UBE2D2: variants seen among roughly 807,000 people sequenced by gnomAD.
UBE2D2 encodes the protein ubiquitin conjugating enzyme E2 D2, also known as ubiquitin-conjugating enzyme E2 D2.
Under a neutral mutation model 24.2 loss-of-function variants are expected in UBE2D2, and 2 were observed. The observed-to-expected ratio is 0.08, with a 90% CI of 0.03 to 0.26. The LOEUF is 0.26. Ranked by LOEUF, UBE2D2 falls within the 10% of genes least tolerant of loss-of-function variation. UBE2D2 has a pLI of 1.00. For synonymous variants in UBE2D2, 58 were observed against 56.5 expected (o/e 1.03, Z -0.12); for missense variants, 44 against 177.6 (o/e 0.25, Z 4.28).
chr5:139,561,173 AGCGTCAC>A (rs1462067193), upstream of UBE2D2: 1 of 152,632 alleles, frequency 6.6e-6, no homozygotes, highest in East Asian at 1.9e-4. Flanking sequence ...AGGGCTTCGC[AGCGTCAC>A]GCCCTCCGGG....
chr5:139,626,725 T>C (rs776340432), intron 6 of UBE2D2, 31 bp from the exon 7 acceptor site: 11 of 1,606,500 alleles, frequency 6.8e-6, no homozygotes, highest in South Asian at 4.4e-5. Flanking sequence ...TCCACACCTA[T>C]GTTAAGCCAA....
Position 139,600,361 on chromosome 5 carries a change from T to C in UBE2D2, c.25-11T>C. The C allele has an allele frequency of 2.5e-6, 4 of 1,613,446 alleles. No individual in the cohort carries two copies. The highest frequency in any genetic ancestry group is 3.4e-6 in the Non-Finnish European group (4 of 1,179,862). ...TGTTGAATATATTTCTTTTCTTTCT[T>C]TTTTCTGTAGGAATTGAATGATCTG... On this transcript the variant is annotated splice_polypyrimidine_tract_variant and intron_variant, in intron 1 of 6. Coordinates refer to ENST00000398733, the MANE Select transcript of UBE2D2 (RefSeq NM_003339.3).
chr5:139,611,778 A>G (rs895857001), intron 2 of UBE2D2, among the ~76,000 whole-genome samples: 2 of 152,174 alleles, frequency 1.3e-5, no homozygotes, highest in African/African-American at 4.8e-5. Context: ...ACTTGAATTA[A>G]TGCTTTACAT....
chr5:139,545,775 G>A (rs1430087444), intron 1 of UBE2D2, among the ~76,000 whole-genome samples: 1 of 150,714 alleles, frequency 6.6e-6, no homozygotes, highest in Admixed American at 6.7e-5. Flanking sequence ...CCAGGCTGCA[G>A]TACAGTGGTG....
At chr5:139,593,627 T>TC (rs1430121388) in intron 1 of UBE2D2, among the ~76,000 whole-genome samples, 2 of 151,826 alleles carry the variant, frequency 1.3e-5, no homozygotes, top group East Asian at 3.8e-4. Flanking sequence ...AAATATGTAC[T>TC]TTTTTTTAGA....
At chr5:139,572,025 C>T (rs1192472851) in intron 1 of UBE2D2, among the ~76,000 whole-genome samples, 2 of 151,902 alleles carry the variant, frequency 1.3e-5, no homozygotes, top group East Asian at 3.9e-4. Flanking sequence ...TCTGACATTT[C>T]AGTCCCAGAA....
chr5:139,585,353 C>A (rs1753707542), intron 1 of UBE2D2, among the ~76,000 whole-genome samples: 1 of 151,924 alleles, frequency 6.6e-6, no homozygotes, highest in Admixed American at 6.6e-5. Context: ...GCTAGTACTA[C>A]AGGAATGTGC....
chr5:139,545,462 T>C (rs1273620636), intron 1 of UBE2D2, among the ~76,000 whole-genome samples: 1 of 151,376 alleles, frequency 6.6e-6, no homozygotes, highest in East Asian at 1.9e-4. Flanking sequence ...AGTCTCGCTC[T>C]GTTGCCCAGG....
chr5:139,606,420 C>T (rs759890265), intron 2 of UBE2D2, among the ~76,000 whole-genome samples: 1 of 152,138 alleles, frequency 6.6e-6, no homozygotes, highest in Non-Finnish European at 1.5e-5. Flanking sequence ...ACCTCGGCCT[C>T]CCAAACTGCT....
chr5:139,582,008 T>C (rs1753614043), intron 1 of UBE2D2, among the ~76,000 whole-genome samples: 1 of 151,594 alleles, frequency 6.6e-6, no homozygotes, highest in Admixed American at 6.6e-5. Context: ...TTTTTGAAGA[T>C]AGAGTCTCAC....
chr5:139,617,212 A>G (rs1033819899), intron 5 of UBE2D2, among the ~76,000 whole-genome samples: 4 of 152,040 alleles, frequency 2.6e-5, no homozygotes, highest in Non-Finnish European at 5.9e-5. Context: ...ATCTTTACAA[A>G]TATTGTGAAA....
chr5:139,527,823 A>G (rs985241293), intron 1 of UBE2D2, among the ~76,000 whole-genome samples: 2 of 152,376 alleles, frequency 1.3e-5, no homozygotes, highest in Admixed American at 1.3e-4. Context: ...TACTATTAAG[A>G]CAGATGCAAA....
At chr5:139,569,545 CT>C (rs1753308166) in intron 1 of UBE2D2, among the ~76,000 whole-genome samples, 1 of 152,126 alleles carries the variant, frequency 6.6e-6, no homozygotes, top group African/African-American at 2.4e-5. Flanking sequence ...CTTGTTTTGT[CT>C]GTAGAAATAA....
At chr5:139,582,868 C>A (rs943055652) in intron 1 of UBE2D2, among the ~76,000 whole-genome samples, 1 of 151,884 alleles carries the variant, frequency 6.6e-6, no homozygotes, top group Non-Finnish European at 1.5e-5. Context: ...GATGGGGTTT[C>A]ACCGTGTTAG....
intron 1 of UBE2D2, among the ~76,000 whole-genome samples, chr5:139,564,079 T>C (rs1753166612): frequency 1.3e-5 from 2 of 152,240 alleles, no homozygotes; most frequent in Admixed American, 6.5e-5. Flanking sequence ...TATGAGTTGC[T>C]ACATATTTTC....
At chr5:139,601,877 T>A (rs1285432807) in intron 2 of UBE2D2, among the ~76,000 whole-genome samples, 1 of 147,076 alleles carries the variant, frequency 6.8e-6, no homozygotes, top group African/African-American at 2.5e-5. Context: ...GCCACTGCAC[T>A]CCAGCCTGCG....
chr5:139,601,928 A>G (rs1754088738), intron 2 of UBE2D2, among the ~76,000 whole-genome samples: 1 of 152,118 alleles, frequency 6.6e-6, no homozygotes, highest in African/African-American at 2.4e-5. Flanking sequence ...AAAAAAGAAA[A>G]AAAAATTTGT....
At chr5:139,547,459 C>T (rs1035897483) in intron 1 of UBE2D2, among the ~76,000 whole-genome samples, 2 of 151,984 alleles carry the variant, frequency 1.3e-5, no homozygotes, top group Non-Finnish European at 2.9e-5. Flanking sequence ...CGTGATCCAC[C>T]CAGCTCAACC....
chr5:139,609,228 A>T (rs772512761), intron 2 of UBE2D2, among the ~76,000 whole-genome samples: 2 of 152,102 alleles, frequency 1.3e-5, no homozygotes, highest in Non-Finnish European at 2.9e-5. Context: ...GGAAAATTTA[A>T]TTTTTTTAAT....
Sources: gnomAD v4.1 joint callset for allele counts (sites outside exome capture counted in the v4.1 genomes callset) on GRCh38, gnomAD v4.1.1 for gene constraint, MANE v1.5 for transcripts, NCBI Gene and HGNC (gene_info 2026-07-23, HGNC 2026-07-21) for gene names.